Variants in AUTS2 observed in about 807,000 individuals in gnomAD.
AUTS2 encodes the protein autism susceptibility gene 2 protein.
A neutral mutation model predicts 112.4 loss-of-function variants in AUTS2; 17 were observed. The ratio of observed to expected loss-of-function variants is 0.15; its 90% CI spans 0.10 to 0.23. The LOEUF is 0.23. AUTS2 is among the 10% of genes least tolerant of loss of function. AUTS2 has a pLI of 1.00. For synonymous variants in AUTS2, 751 were observed against 702.7 expected, an observed-to-expected ratio of 1.07 and a Z score of -1.09; for missense variants, 1,510 against 1,701.6, an observed-to-expected ratio of 0.89 and a Z score of 1.98.
At chr7:70,207,880 G>C (rs1373659772) in intron 4 of AUTS2, among the ~76,000 whole-genome samples, 2 of 151,824 alleles carry the variant, frequency 1.3e-5, no homozygotes, top group Non-Finnish European at 2.9e-5. Context: ...GCATGGTGGT[G>C]CATGCCTGTA....
chr7:70,775,403 T>C lies in AUTS2; in HGVS notation c.1932+17T>C. On this transcript the variant is annotated intron_variant, in intron 13 of 18. Coordinates refer to ENST00000342771, the MANE Select transcript of AUTS2 (RefSeq NM_015570.4). ...ATGTTAAGGGTAAGAAAGCTTCTTA[T>C]AGAACTGTTTTGCAACCTCTATTTG... is the stretch of plus-strand genomic sequence containing the variant. 6.2e-7 allele frequency: 1 copy of C among 1,609,508 alleles called. No individual in the cohort carries two copies. Among genetic ancestry groups the C allele is most frequent in the Non-Finnish European group, 8.5e-7 (1 of 1,177,400 alleles).
chr7:70,229,979 A>T (rs1811959815), intron 4 of AUTS2, among the ~76,000 whole-genome samples: 1 of 152,132 alleles, frequency 6.6e-6, no homozygotes, highest in South Asian at 2.1e-4. Context: ...CTTCCCATTA[A>T]ATCTCCAAAC....
chr7:70,439,461 C>T (rs1360448905), intron 5 of AUTS2, among the ~76,000 whole-genome samples: 1 of 151,446 alleles, frequency 6.6e-6, no homozygotes, highest in Middle Eastern at 3.2e-3. Flanking sequence ...ATTGCTTGAA[C>T]CCGGGAGGCG....
At position 70,625,224 on chromosome 7, in the gene AUTS2, C is replaced by A. The variant is rs142625800; in HGVS notation, c.691-73345C>A. On this transcript the variant is annotated intron_variant, in intron 5 of 18. Coordinates refer to ENST00000342771, the MANE Select transcript of AUTS2 (RefSeq NM_015570.4). ...TAGGGGGTCATCTCTGTTCTCTGCA[C>A]CCCCATATCTCTAGAACCCCCCATT... is the stretch of plus-strand genomic sequence containing the variant. Among the ~76,000 whole-genome samples, 7 of 152,292 alleles carry A rather than the reference C, an allele frequency of 4.6e-5. No homozygotes were observed. In the South Asian group the frequency reaches 1.5e-3, roughly 32 times the overall value.
chr7:70,118,086 G>A, intron 2 of AUTS2, 46 bp from the exon 3 acceptor site: 2 of 1,558,118 alleles, frequency 1.3e-6, no homozygotes, highest in Non-Finnish European at 1.7e-6. Flanking sequence ...GAACTAAGAA[G>A]CAGACCACTA....
chr7:70,628,826 G>A (rs539865388), intron 5 of AUTS2, among the ~76,000 whole-genome samples: 1 of 152,124 alleles, frequency 6.6e-6, no homozygotes, highest in Non-Finnish European at 1.5e-5. Context: ...GGGTAAACGG[G>A]CAGGAGACCT....
At chr7:69,997,680 C>G (rs1156838039) in intron 2 of AUTS2, among the ~76,000 whole-genome samples, 1 of 152,114 alleles carries the variant, frequency 6.6e-6, no homozygotes, top group Non-Finnish European at 1.5e-5. Flanking sequence ...AAACAACCAG[C>G]TCTCACGTGT....
chr7:69,613,041 A>T (rs1583939704), intron 1 of AUTS2, among the ~76,000 whole-genome samples: 1 of 152,220 alleles, frequency 6.6e-6, no homozygotes, highest in East Asian at 1.9e-4. Flanking sequence ...CCCCATGAAA[A>T]AAAGAATAAT....
intron 5 of AUTS2, among the ~76,000 whole-genome samples, chr7:70,575,936 A>G (rs140859604): frequency 6.6e-6 from 1 of 152,298 alleles, no homozygotes; most frequent in East Asian, 1.9e-4. Context: ...AGATTGGGAC[A>G]TAGTAATTAC....
intron 1 of AUTS2, among the ~76,000 whole-genome samples, chr7:69,620,304 A>G (rs1166181119): frequency 6.6e-6 from 1 of 152,220 alleles, no homozygotes; most frequent in African/African-American, 2.4e-5. Context: ...CATTGAAAAG[A>G]CTTAATCAGA....
intron 1 of AUTS2, among the ~76,000 whole-genome samples, chr7:69,862,787 C>A (rs1793049219): frequency 6.6e-6 from 1 of 152,118 alleles, no homozygotes; most frequent in South Asian, 2.1e-4. Context: ...CCTGATAAGG[C>A]ACTTATTTTA....
chr7:70,573,182 G>A (rs1163147262), intron 5 of AUTS2, among the ~76,000 whole-genome samples: 1 of 152,230 alleles, frequency 6.6e-6, no homozygotes, highest in Non-Finnish European at 1.5e-5. Flanking sequence ...TTGGAATGGG[G>A]AGGTTTGTCA....
At chr7:70,150,940 A>G (rs1366999906) in intron 4 of AUTS2, among the ~76,000 whole-genome samples, 1 of 152,246 alleles carries the variant, frequency 6.6e-6, no homozygotes, top group African/African-American at 2.4e-5. Flanking sequence ...ATGACACTGG[A>G]CATAAGGCAG....
At chr7:70,715,916 AG>A (rs1427910783) in intron 6 of AUTS2, among the ~76,000 whole-genome samples, 4 of 152,220 alleles carry the variant, frequency 2.6e-5, no homozygotes, top group African/African-American at 9.6e-5. Flanking sequence ...GGTGACCCAC[AG>A]GGTGCTTTGA....
At chr7:69,628,415 C>G (rs557748545) in intron 1 of AUTS2, among the ~76,000 whole-genome samples, 2 of 152,218 alleles carry the variant, frequency 1.3e-5, no homozygotes, top group East Asian at 3.9e-4. Context: ...TCCTGAGGTA[C>G]CAGATCATAG....
chr7:69,789,047 T>G (rs1196245920), intron 1 of AUTS2, among the ~76,000 whole-genome samples: 1 of 152,144 alleles, frequency 6.6e-6, no homozygotes, highest in African/African-American at 2.4e-5. Flanking sequence ...GCAAGGAGTA[T>G]TAAAGAAATT....
At chr7:70,165,839 G>T (rs1166199660) in intron 4 of AUTS2, among the ~76,000 whole-genome samples, 1 of 152,134 alleles carries the variant, frequency 6.6e-6, no homozygotes, top group Non-Finnish European at 1.5e-5. Flanking sequence ...AGCCTGGTAT[G>T]GTTTGACTCT....
rs1219421674 is a variant in AUTS2 at position 69,634,079 on chromosome 7, G to GT, written c.309+34119dup. Among the ~76,000 whole-genome samples the GT allele has an allele frequency of 5.9e-5, 9 of 151,390 alleles. No homozygotes were observed. The South Asian group carries it at 1.3e-3, about 21-fold the overall frequency. On this transcript the variant is annotated intron_variant, in intron 1 of 18. Transcript: ENST00000342771. ...CTAGGAGTTTTATTGTTTCTCGTTA[G>GT]TTAGTGCTTTTAAGAAGGAAGGAGG...
chr7:70,628,419 G>C (rs1321599760), intron 5 of AUTS2, among the ~76,000 whole-genome samples: 1 of 150,636 alleles, frequency 6.6e-6, no homozygotes, highest in Non-Finnish European at 1.5e-5. Context: ...CAAAAACCTG[G>C]ATCTGAAGCT....
Sources: allele counts gnomAD v4.1 joint callset (sites outside exome capture counted in the v4.1 genomes callset), GRCh38; gene constraint gnomAD v4.1.1; transcripts MANE v1.5; gene names NCBI Gene and HGNC (gene_info 2026-07-23, HGNC 2026-07-21).